The following AUTS2 variants were observed in gnomAD, a reference collection of about 807,000 sequenced individuals.
AUTS2 encodes the protein activator of transcription and developmental regulator AUTS2.
Under a neutral mutation model 112.4 loss-of-function variants are expected in AUTS2, and 17 were observed. That is an observed-to-expected ratio of 0.15 (90% confidence interval 0.10 to 0.23). AUTS2 has a LOEUF of 0.23. Among genes scored for constraint, AUTS2 ranks in the 10% least tolerant of loss-of-function variants. AUTS2 has a pLI of 1.00. For synonymous variants in AUTS2, 751 were observed against 702.7 expected (o/e 1.07, Z -1.09); for missense variants, 1,510 against 1,701.6 (o/e 0.89, Z 1.98).
At chr7:69,794,654 T>A (rs1032499170) in intron 1 of AUTS2, among the ~76,000 whole-genome samples, 1 of 152,152 alleles carries the variant, frequency 6.6e-6, no homozygotes, top group Non-Finnish European at 1.5e-5. Context: ...GTACCTGTAT[T>A]TTTTTAATGT....
intron 2 of AUTS2, among the ~76,000 whole-genome samples, chr7:70,070,038 G>A (rs1007803357): frequency 3.9e-5 from 6 of 152,088 alleles, no homozygotes; most frequent in Non-Finnish European, 8.8e-5. Context: ...ATTTCATGCA[G>A]AGAAATACCA....
At chr7:70,760,688 G>A (rs1289029883) in intron 6 of AUTS2, among the ~76,000 whole-genome samples, 1 of 152,226 alleles carries the variant, frequency 6.6e-6, no homozygotes, top group Non-Finnish European at 1.5e-5. Flanking sequence ...CTAGCTGGAT[G>A]GGGACCTATC....
chr7:70,149,877 T>A (rs12698861), intron 4 of AUTS2, among the ~76,000 whole-genome samples: 33,024 of 151,862 alleles, frequency 0.22, 3,568 homozygotes, highest in Middle Eastern at 0.33. Flanking sequence ...AGAATATTGA[T>A]GCAGTTTGGT....
chr7:70,743,242 C>T (rs1197704447), intron 6 of AUTS2, among the ~76,000 whole-genome samples: 2 of 151,868 alleles, frequency 1.3e-5, no homozygotes, highest in South Asian at 2.1e-4. Flanking sequence ...CTGAGGTGGG[C>T]GGATCACATG....
intron 5 of AUTS2, among the ~76,000 whole-genome samples, chr7:70,481,181 A>C (rs1283743882): frequency 6.6e-6 from 1 of 152,190 alleles, no homozygotes; most frequent in Non-Finnish European, 1.5e-5. Context: ...TCTCAGGACA[A>C]ATGTAAAATG....
intron 5 of AUTS2, among the ~76,000 whole-genome samples, chr7:70,691,423 A>G (rs1056340259): frequency 6.8e-5 from 2 of 29,214 alleles, no homozygotes; most frequent in Non-Finnish European, 1.5e-4. Flanking sequence ...TCTCAAGGAA[A>G]AAAAAAAAAA....
chr7:69,740,402 C>A (rs1366220433), intron 1 of AUTS2, among the ~76,000 whole-genome samples: 1 of 152,136 alleles, frequency 6.6e-6, no homozygotes, highest in African/African-American at 2.4e-5. Flanking sequence ...AAGAGCTTAT[C>A]TTTATTTAAT....
chr7:70,003,188 TATATGAATATATTA>T (rs1799284759), intron 2 of AUTS2, among the ~76,000 whole-genome samples: 1 of 120,476 alleles, frequency 8.3e-6, no homozygotes, highest in African/African-American at 3.4e-5. Context: ...GAATATATTA[TATATGAATATATTA>T]TATATGAATA....
At chr7:70,236,338 T>A (rs1268956075) in intron 4 of AUTS2, among the ~76,000 whole-genome samples, 1 of 152,238 alleles carries the variant, frequency 6.6e-6, no homozygotes, top group Non-Finnish European at 1.5e-5. Context: ...GTACAGTATT[T>A]GTGATTCTTC....
intron 1 of AUTS2, among the ~76,000 whole-genome samples, chr7:69,633,768 G>A (rs530635199): frequency 4.3e-4 from 66 of 151,950 alleles, no homozygotes; most frequent in African/African-American, 6.5e-4. Context: ...GTCTATTCAG[G>A]TCTTTTACCC....
chr7:69,888,979 G>A (rs1434235868), intron 1 of AUTS2, among the ~76,000 whole-genome samples: 1 of 152,244 alleles, frequency 6.6e-6, no homozygotes, highest in Non-Finnish European at 1.5e-5. Flanking sequence ...GAGGGGAAGA[G>A]TGATGGAGTA....
chr7:70,452,604 C>T (rs1261242499), intron 5 of AUTS2, among the ~76,000 whole-genome samples: 1 of 152,130 alleles, frequency 6.6e-6, no homozygotes, highest in South Asian at 2.1e-4. Context: ...TCATTTATTA[C>T]AGCCAAATCA....
chr7:70,594,902 G>T (rs1183508093), intron 5 of AUTS2, among the ~76,000 whole-genome samples: 1 of 152,160 alleles, frequency 6.6e-6, no homozygotes, highest in Non-Finnish European at 1.5e-5. Context: ...AGGAGTTCAA[G>T]ACCAGCCTGA....
chr7:70,758,252 A>G (rs1789347277), intron 6 of AUTS2, among the ~76,000 whole-genome samples: 2 of 152,094 alleles, frequency 1.3e-5, no homozygotes, highest in South Asian at 2.1e-4. Context: ...TAATGGTTAC[A>G]TTTAGGTGGC....
intron 6 of AUTS2, among the ~76,000 whole-genome samples, chr7:70,723,448 G>C (rs552295579): frequency 5.9e-5 from 9 of 152,094 alleles, no homozygotes; most frequent in African/African-American, 2.2e-4. Flanking sequence ...AACTGCCCCA[G>C]GACCAGTGGG....
At chr7:70,280,347 G>C (rs12698889) in intron 4 of AUTS2, among the ~76,000 whole-genome samples, 2 of 146,360 alleles carry the variant, frequency 1.4e-5, no homozygotes, top group Non-Finnish European at 3.0e-5. Context: ...GCAGTGGCAC[G>C]ATGTCAGCTC....
intron 2 of AUTS2, among the ~76,000 whole-genome samples, chr7:70,098,349 G>A (rs1804306344): frequency 6.6e-6 from 1 of 152,196 alleles, no homozygotes. Context: ...ACTTGTTAAA[G>A]CAAATTAAAA....
chr7:70,303,415 C>G (rs1201286634), intron 4 of AUTS2, among the ~76,000 whole-genome samples: 2 of 136,672 alleles, frequency 1.5e-5, no homozygotes, highest in Non-Finnish European at 3.1e-5. Context: ...TGTGCACGCA[C>G]ACACACACGC....
chr7:69,690,279 G>A (rs1318203630), intron 1 of AUTS2, among the ~76,000 whole-genome samples: 1 of 152,154 alleles, frequency 6.6e-6, no homozygotes, highest in Non-Finnish European at 1.5e-5. Context: ...GGTGTTCTAG[G>A]ATAGAAGACA....
Sources: allele counts gnomAD v4.1 joint callset (sites outside exome capture counted in the v4.1 genomes callset), GRCh38; gene constraint gnomAD v4.1.1; transcripts MANE v1.5; gene names NCBI Gene and HGNC (gene_info 2026-07-23, HGNC 2026-07-21).